NIM1K: variants seen among roughly 807,000 people sequenced by gnomAD.
The protein encoded by NIM1K is NIM1 serine/threonine protein kinase.
Under a neutral mutation model 37.1 loss-of-function variants are expected in NIM1K, and 35 were observed. The observed-to-expected ratio is 0.94, with a 90% CI of 0.72 to 1.25. The LOEUF (loss-of-function observed/expected upper bound fraction) is 1.25, where lower values mean the gene tolerates loss of function less well. Ranked by LOEUF, NIM1K falls within the 50% of genes most tolerant of loss-of-function variation. NIM1K has a pLI of 0.00. For synonymous variants in NIM1K, 234 were observed against 206.6 expected (o/e 1.13, Z -1.14); for missense variants, 564 against 548.0 (o/e 1.03, Z -0.29).
chr5:43,213,113 C>G (rs2330090), intron 1 of NIM1K, among the ~76,000 whole-genome samples: 18,298 of 151,788 alleles, frequency 0.12, 1,447 homozygotes, highest in Admixed American at 0.18. Flanking sequence ...CTAAGTCCTC[C>G]TATTTCTGGA....
At chr5:43,232,048 G>A in intron 1 of NIM1K, 2 of 1,017,040 alleles carry the variant, frequency 2.0e-6, no homozygotes, top group South Asian at 2.5e-5. Flanking sequence ...CATGCACACA[G>A]CTCTCTGTGT....
intron 1 of NIM1K, among the ~76,000 whole-genome samples, chr5:43,202,497 T>C (rs1425739158): frequency 6.6e-6 from 1 of 152,156 alleles, no homozygotes; most frequent in Non-Finnish European, 1.5e-5. Context: ...CAATACAAAA[T>C]GCGAGATTAA....
At position 43,233,094 on chromosome 5, in the gene NIM1K, T is replaced by C. The variant is rs759644728; in HGVS notation, c.-694-11988T>C. 122 of 1,345,178 alleles carry C rather than the reference T, an allele frequency of 9.1e-5. 2 individuals carry two copies. The Admixed American group carries it at 2.0e-3, about 22-fold the overall frequency. 83.3% of individuals were successfully genotyped at this position (1,345,178 alleles called of 1,614,324 possible). On this transcript the variant is annotated intron_variant, in intron 1 of 3. Transcript: ENST00000326035. ...TCTGGCCATTGGGCTGGATGCCATG[T>C]TCCAGGCAGTAGGGCTCCCAGCAGG... is the stretch of plus-strand genomic sequence containing the variant.
chr5:43,214,813 C>CAAAAAAAAAAAAAA (rs369233525), intron 1 of NIM1K, among the ~76,000 whole-genome samples: 1 of 71,734 alleles, frequency 1.4e-5, no homozygotes, highest in Non-Finnish European at 2.6e-5. Context: ...GACTCCGTCT[C>CAAAAAAAAAAAAAA]AAAAAAAAAA....
chr5:43,202,422 T>C (rs1339133358), intron 1 of NIM1K, among the ~76,000 whole-genome samples: 1 of 152,158 alleles, frequency 6.6e-6, no homozygotes, highest in Non-Finnish European at 1.5e-5. Context: ...AGAGACAAAG[T>C]AAAGACATTT....
intron 1 of NIM1K, among the ~76,000 whole-genome samples, chr5:43,203,497 C>T (rs1018586872): frequency 7.9e-5 from 12 of 152,170 alleles, no homozygotes; most frequent in Admixed American, 6.5e-5. Context: ...CTGTGCATCA[C>T]TTTTCTTTTT....
At chr5:43,255,762 G>GAAAGAAAGAAAA (rs1752935616) in intron 2 of NIM1K, among the ~76,000 whole-genome samples, 1 of 147,344 alleles carries the variant, frequency 6.8e-6, no homozygotes, top group Non-Finnish European at 1.5e-5. Context: ...AAAAAAGAAA[G>GAAAGAAAGAAAA]AAAGAAAGAA....
intron 1 of NIM1K, among the ~76,000 whole-genome samples, chr5:43,228,960 CATGAAAAATATAG>C (rs1752499330): frequency 6.6e-6 from 1 of 152,202 alleles, no homozygotes; most frequent in Admixed American, 6.5e-5. Flanking sequence ...AACAGTATTA[CATGAAAAATATAG>C]ATGATACTGT....
At chr5:43,214,316 A>C (rs1752265545) in intron 1 of NIM1K, among the ~76,000 whole-genome samples, 1 of 118,114 alleles carries the variant, frequency 8.5e-6, no homozygotes, top group African/African-American at 3.2e-5. Flanking sequence ...TATCATCATC[A>C]ACAATAAAAA....
intron 2 of NIM1K, among the ~76,000 whole-genome samples, chr5:43,276,249 G>C (rs1753338530): frequency 6.6e-6 from 1 of 152,246 alleles, no homozygotes; most frequent in African/African-American, 2.4e-5. Flanking sequence ...TCTGCAGGCT[G>C]TACAGGAAGC....
At chr5:43,232,571 C>T in intron 1 of NIM1K, 1 of 1,579,408 alleles carries the variant, frequency 6.3e-7, no homozygotes, top group Non-Finnish European at 8.6e-7. Context: ...ACCATGAAGA[C>T]ACAATCAGAG....
intron 2 of NIM1K, among the ~76,000 whole-genome samples, chr5:43,253,228 G>A (rs1176791884): frequency 1.6e-4 from 23 of 146,208 alleles, no homozygotes; most frequent in East Asian, 4.0e-4. Flanking sequence ...GTGTGTGTGT[G>A]TGTGTGTGTG....
chr5:43,268,823 CTA>C (rs1753208933), intron 2 of NIM1K, among the ~76,000 whole-genome samples: 1 of 152,110 alleles, frequency 6.6e-6, no homozygotes, highest in African/African-American at 2.4e-5. Context: ...CTAGCCAAGA[CTA>C]AGCCCAGGAA....
chr5:43,232,940 C>T (rs1752563573), intron 1 of NIM1K: 2 of 1,148,622 alleles, frequency 1.7e-6, no homozygotes, highest in African/African-American at 3.0e-5. Flanking sequence ...CCAGTGCAAA[C>T]TTCATCATCA....
chr5:43,218,992 C>G (rs933062683), intron 1 of NIM1K, among the ~76,000 whole-genome samples: 2 of 152,060 alleles, frequency 1.3e-5, no homozygotes, highest in African/African-American at 4.8e-5. Context: ...GTTTCCCCAT[C>G]GGTTCTTGTG....
intron 1 of NIM1K, among the ~76,000 whole-genome samples, chr5:43,237,544 T>A (rs1752639374): frequency 6.6e-6 from 1 of 152,216 alleles, no homozygotes; most frequent in East Asian, 1.9e-4. Context: ...ATTAGGTATG[T>A]GATCACTTCC....
In NIM1K at chr5:43,217,875, C is replaced by T. The variant is rs532744406; in HGVS notation, c.-695+25464C>T. ...TACAGGTGTGTGCCACCATGACTGG[C>T]TAATTTTTGTATTTTTAGTGGAGAC... is the stretch of plus-strand genomic sequence containing the variant. On this transcript the variant is annotated intron_variant, in intron 1 of 3. Transcript: ENST00000326035. Among the ~76,000 whole-genome samples, 440 of 152,096 alleles carry T rather than the reference C, an allele frequency of 2.9e-3. 2 individuals are homozygous for T. The highest frequency in any genetic ancestry group is 0.01 in the African/African-American group (428 of 41,488).
Position 43,209,078 on chromosome 5 carries a change from C to T in NIM1K, c.-695+16667C>T, listed in dbSNP as rs745359417. 5.3e-5 allele frequency among the ~76,000 whole-genome samples: 8 copies of T among 152,270 alleles called. No individual in the cohort carries two copies. In the South Asian group the frequency reaches 6.2e-4, roughly 12 times the overall value. On this transcript the variant is annotated intron_variant, in intron 1 of 3. Coordinates refer to ENST00000326035, the MANE Select transcript of NIM1K (RefSeq NM_153361.4). ...AAAATAAAGTAAATTCTGCTGGAAGCGACTAACACATCACACCCTAAAAAT... is the reference window on the plus strand; with the variant it reads ...AAAATAAAGTAAATTCTGCTGGAAGTGACTAACACATCACACCCTAAAAAT...
intron 1 of NIM1K, among the ~76,000 whole-genome samples, chr5:43,200,068 G>A (rs772326106): frequency 1.3e-5 from 2 of 151,974 alleles, no homozygotes; most frequent in African/African-American, 2.4e-5. Flanking sequence ...TAGCAGAGAC[G>A]GGGTTTCTTG....
Sources: gnomAD v4.1 joint callset for allele counts (sites outside exome capture counted in the v4.1 genomes callset) on GRCh38, gnomAD v4.1.1 for gene constraint, MANE v1.5 for transcripts, NCBI Gene and HGNC (gene_info 2026-07-23, HGNC 2026-07-21) for gene names.